Variants in AUTS2 observed in about 807,000 individuals in gnomAD.
AUTS2 encodes autism susceptibility gene 2 protein.
A neutral mutation model predicts 112.4 loss-of-function variants in AUTS2; 17 were observed. That is an observed-to-expected ratio of 0.15 (90% CI 0.10 to 0.23). The LOEUF is 0.23. Among genes scored for constraint, AUTS2 ranks in the 10% least tolerant of loss-of-function variants. AUTS2 has a pLI of 1.00. For missense variants in AUTS2, 1,510 were observed against 1,701.6 expected (o/e 0.89, Z 1.98); for synonymous variants, 751 against 702.7 (o/e 1.07, Z -1.09).
intron 2 of AUTS2, among the ~76,000 whole-genome samples, chr7:69,912,607 A>G (rs1278920601): frequency 6.6e-6 from 1 of 152,210 alleles, no homozygotes; most frequent in Non-Finnish European, 1.5e-5. Flanking sequence ...ATGGAGTTTA[A>G]AAACCGTTTT....
At chr7:70,238,536 AG>A (rs1048212048) in intron 4 of AUTS2, among the ~76,000 whole-genome samples, 15 of 152,108 alleles carry the variant, frequency 9.9e-5, no homozygotes, top group African/African-American at 3.6e-4. Context: ...AGATCTCACC[AG>A]TCTCCCTTTC....
intron 4 of AUTS2, among the ~76,000 whole-genome samples, chr7:70,402,939 G>T (rs1454003978): frequency 1.3e-5 from 2 of 152,078 alleles, no homozygotes; most frequent in African/African-American, 4.8e-5. Context: ...TTTTCCTTTG[G>T]CATCCCTAGT....
intron 4 of AUTS2, among the ~76,000 whole-genome samples, chr7:70,377,831 C>T (rs563168430): frequency 2.7e-5 from 4 of 148,542 alleles, no homozygotes; most frequent in Admixed American, 1.3e-4. Context: ...AGTGCAGTGG[C>T]GCAATCTCGG....
At chr7:70,291,549 T>C (rs1788708911) in intron 4 of AUTS2, 1 of 152,204 alleles carries the variant, frequency 6.6e-6, no homozygotes, top group Non-Finnish European at 1.5e-5. Flanking sequence ...TCTAAATTCT[T>C]AGGAAAATGT....
At chr7:69,740,816 C>T (rs1435625723) in intron 1 of AUTS2, among the ~76,000 whole-genome samples, 1 of 152,152 alleles carries the variant, frequency 6.6e-6, no homozygotes, top group East Asian at 1.9e-4. Context: ...GCCACTGCGC[C>T]CGGCCAGAAA....
At chr7:70,329,627 C>G (rs1039006843) in intron 4 of AUTS2, among the ~76,000 whole-genome samples, 1 of 147,284 alleles carries the variant, frequency 6.8e-6, no homozygotes, top group South Asian at 2.2e-4. Context: ...GGTTATTTGT[C>G]TTTTTGTCAT....
chr7:69,992,712 C>T (rs771153139), intron 2 of AUTS2, among the ~76,000 whole-genome samples: 4 of 151,990 alleles, frequency 2.6e-5, no homozygotes, highest in South Asian at 2.1e-4. Flanking sequence ...AGCAAGACTT[C>T]GTCTCTACAG....
At chr7:69,983,011 C>T (rs972667641) in intron 2 of AUTS2, among the ~76,000 whole-genome samples, 1 of 152,096 alleles carries the variant, frequency 6.6e-6, no homozygotes, top group African/African-American at 2.4e-5. Flanking sequence ...GTGTTAGTGG[C>T]CAGAAGGGAG....
chr7:70,476,537 A>G (rs970640339), intron 5 of AUTS2, among the ~76,000 whole-genome samples: 2 of 152,208 alleles, frequency 1.3e-5, no homozygotes, highest in Admixed American at 6.5e-5. Flanking sequence ...AATTAGACAT[A>G]TCACATGCCT....
At chr7:70,172,245 C>G (rs1808741452) in intron 4 of AUTS2, among the ~76,000 whole-genome samples, 1 of 152,166 alleles carries the variant, frequency 6.6e-6, no homozygotes, top group Admixed American at 6.5e-5. Context: ...GCTGCTGATT[C>G]TATATCCTCA....
chr7:70,576,345 T>A (rs570579566), intron 5 of AUTS2, among the ~76,000 whole-genome samples: 65 of 152,310 alleles, frequency 4.3e-4, no homozygotes, highest in Non-Finnish European at 8.2e-4. Flanking sequence ...CCTGCTGAGC[T>A]GTGTTTATAA....
chr7:70,737,051 C>G (rs527802733), intron 6 of AUTS2, among the ~76,000 whole-genome samples: 1 of 152,348 alleles, frequency 6.6e-6, no homozygotes, highest in South Asian at 2.1e-4. Context: ...TAAAACGTTA[C>G]TCATAACTGC....
chr7:70,689,228 G>C (rs1490212321), intron 5 of AUTS2, among the ~76,000 whole-genome samples: 2 of 152,082 alleles, frequency 1.3e-5, no homozygotes, highest in Non-Finnish European at 2.9e-5. Flanking sequence ...AGATGTGTTG[G>C]TGCACACCTG....
In AUTS2 at chr7:70,631,442, G is replaced by C. The variant is rs1055389261; in HGVS notation, c.691-67127G>C. Among the ~76,000 whole-genome samples, 1 of 152,150 alleles carries C rather than the reference G, an allele frequency of 6.6e-6. No homozygotes were observed. Among genetic ancestry groups the C allele is most frequent in the South Asian group, 2.1e-4 (1 of 4,824 alleles). On this transcript the variant is annotated intron_variant, in intron 5 of 18. Transcript: ENST00000342771. The surrounding 1 kb of genome is among the most constrained non-coding windows in gnomAD (Gnocchi z 4.5). ...GGAAGAGGCTCGTTTCAGAGGAAGCGTCCAATGGGCCGTTCAGGTTAGGGA... is the reference window on the plus strand; with the variant it reads ...GGAAGAGGCTCGTTTCAGAGGAAGCCTCCAATGGGCCGTTCAGGTTAGGGA...
chr7:70,623,876 T>C (rs1804803933), intron 5 of AUTS2, among the ~76,000 whole-genome samples: 1 of 152,294 alleles, frequency 6.6e-6, no homozygotes, highest in South Asian at 2.1e-4. Context: ...CAATTCAAAG[T>C]GTTCTCTGCT....
At chr7:69,850,309 A>T (rs188504300) in intron 1 of AUTS2, among the ~76,000 whole-genome samples, 69 of 150,118 alleles carry the variant, frequency 4.6e-4, no homozygotes, top group Non-Finnish European at 7.2e-4. Context: ...AAACAAAAAC[A>T]AAAACAAAAA....
chr7:69,798,576 A>G (rs1789951228), intron 1 of AUTS2, among the ~76,000 whole-genome samples: 1 of 152,206 alleles, frequency 6.6e-6, no homozygotes, highest in Non-Finnish European at 1.5e-5. Context: ...TACTGTACTC[A>G]TAAATGAAGT....
At chr7:70,701,713 G>A (rs1376631230) in intron 6 of AUTS2, among the ~76,000 whole-genome samples, 1 of 152,184 alleles carries the variant, frequency 6.6e-6, no homozygotes, top group Non-Finnish European at 1.5e-5. Flanking sequence ...GTGTGGCATT[G>A]AGCAGGGCTT....
At chr7:70,637,044 T>C (rs957136407) in intron 5 of AUTS2, among the ~76,000 whole-genome samples, 2 of 152,228 alleles carry the variant, frequency 1.3e-5, no homozygotes, top group African/African-American at 2.4e-5. Flanking sequence ...TTATGTGTTA[T>C]GTCAGGTAGG....
Sources: gnomAD v4.1 joint callset for allele counts (sites outside exome capture counted in the v4.1 genomes callset) on GRCh38, gnomAD v4.1.1 for gene constraint, Gnocchi (gnomAD v3.1) non-coding constraint, MANE v1.5 for transcripts, NCBI Gene and HGNC (gene_info 2026-07-23, HGNC 2026-07-21) for gene names.